FOXN3: variants seen among roughly 807,000 people sequenced by gnomAD.
The protein encoded by FOXN3 is forkhead box N3, also known as forkhead box protein N3.
In FOXN3, 7 loss-of-function variants were observed where a neutral mutation model predicts 38.4. The ratio of observed to expected loss-of-function variants is 0.18; its 90% CI spans 0.10 to 0.34. The LOEUF is 0.34. Ranked by LOEUF, FOXN3 falls within the 10% of genes least tolerant of loss-of-function variation. FOXN3 has a pLI of 1.00. For missense variants in FOXN3, 456 were observed against 613.4 expected (o/e 0.74, Z 2.71); for synonymous variants, 230 against 242.2 (o/e 0.95, Z 0.47).
intron 3 of FOXN3, among the ~76,000 whole-genome samples, chr14:89,288,874 T>C (rs1243569253): frequency 2.0e-5 from 3 of 151,318 alleles, no homozygotes; most frequent in South Asian, 2.1e-4. Context: ...AGGACTATCA[T>C]AATTTCTCTT....
intron 4 of FOXN3, among the ~76,000 whole-genome samples, chr14:89,183,706 C>T (rs1013590983): frequency 2.0e-5 from 3 of 152,206 alleles, no homozygotes; most frequent in Admixed American, 2.0e-4. Flanking sequence ...AACTAAAAGG[C>T]TGCTTTTGGA....
intron 1 of FOXN3, among the ~76,000 whole-genome samples, chr14:89,579,618 C>A (rs1437264443): frequency 6.6e-6 from 1 of 152,204 alleles, no homozygotes; most frequent in South Asian, 2.1e-4. Flanking sequence ...CCACAACTCA[C>A]CAACCTCCAG....
chr14:89,273,310 C>G (rs938214879), intron 4 of FOXN3, among the ~76,000 whole-genome samples: 1 of 152,230 alleles, frequency 6.6e-6, no homozygotes, highest in Admixed American at 6.5e-5. Flanking sequence ...CACACCCCAG[C>G]AGGGACCTGG....
At chr14:89,263,154 C>T (rs1345250302) in intron 4 of FOXN3, among the ~76,000 whole-genome samples, 1 of 152,170 alleles carries the variant, frequency 6.6e-6, no homozygotes, top group Non-Finnish European at 1.5e-5. Flanking sequence ...ACATATTTAA[C>T]CATCAAGATA....
At chr14:89,331,136 T>G (rs1888235642) in intron 3 of FOXN3, among the ~76,000 whole-genome samples, 1 of 152,206 alleles carries the variant, frequency 6.6e-6, no homozygotes, top group Admixed American at 6.5e-5. Context: ...TGTGCAACCA[T>G]CCCTACTATT....
At chr14:89,212,538 G>C (rs1475630222) in intron 4 of FOXN3, among the ~76,000 whole-genome samples, 1 of 152,206 alleles carries the variant, frequency 6.6e-6, no homozygotes, top group Non-Finnish European at 1.5e-5. Flanking sequence ...AGGGGTGGCA[G>C]TGGGCTCTGG....
chr14:89,589,303 G>A (rs1895906518), intron 1 of FOXN3, among the ~76,000 whole-genome samples: 1 of 152,134 alleles, frequency 6.6e-6, no homozygotes, highest in Non-Finnish European at 1.5e-5. Flanking sequence ...AAGCATTTCA[G>A]ATTTACCTAC....
chr14:89,278,205 A>G (rs1197342301), intron 4 of FOXN3, among the ~76,000 whole-genome samples: 1 of 152,198 alleles, frequency 6.6e-6, no homozygotes, highest in African/African-American at 2.4e-5. Flanking sequence ...GACAAAAGAT[A>G]CGTCTTACAT....
At chr14:89,169,127 T>G (rs1340484425) in intron 5 of FOXN3, among the ~76,000 whole-genome samples, 1 of 152,132 alleles carries the variant, frequency 6.6e-6, no homozygotes, top group African/African-American at 2.4e-5. Context: ...AGATCTGAGA[T>G]GTAAGCAGAA....
At chr14:89,427,005 G>T (rs905660930) in intron 1 of FOXN3, among the ~76,000 whole-genome samples, 1 of 152,024 alleles carries the variant, frequency 6.6e-6, no homozygotes, top group African/African-American at 2.4e-5. Context: ...ACCGAGGCGG[G>T]TGGATCACTT....
At chr14:89,442,599 G>A (rs1892409713) in intron 1 of FOXN3, among the ~76,000 whole-genome samples, 1 of 152,164 alleles carries the variant, frequency 6.6e-6, no homozygotes, top group Non-Finnish European at 1.5e-5. Flanking sequence ...GATGTGCTCT[G>A]GGAAACAACG....
chr14:89,344,849 T>C (rs1246570555), intron 3 of FOXN3, among the ~76,000 whole-genome samples: 1 of 152,190 alleles, frequency 6.6e-6, no homozygotes, highest in African/African-American at 2.4e-5. Context: ...AACATTAAAA[T>C]ACGCATATTC....
intron 2 of FOXN3, among the ~76,000 whole-genome samples, chr14:89,369,560 T>A (rs4904558): frequency 0.61 from 92,062 of 150,546 alleles, 28,156 homozygotes; most frequent in East Asian, 0.71. Context: ...TTTTTTTTTT[T>A]AAAAAAGAGG....
intron 1 of FOXN3, among the ~76,000 whole-genome samples, chr14:89,467,457 C>T (rs928601468): frequency 5.3e-5 from 8 of 151,672 alleles, no homozygotes; most frequent in Non-Finnish European, 8.8e-5. Flanking sequence ...TTTTTAAATG[C>T]CGAAAAATTA....
chr14:89,195,917 C>T (rs888176891), intron 4 of FOXN3, among the ~76,000 whole-genome samples: 6 of 152,148 alleles, frequency 3.9e-5, no homozygotes, highest in Non-Finnish European at 8.8e-5. Flanking sequence ...AATTCAGTAT[C>T]ACACCAAGCA....
chr14:89,570,107 T>A (rs1895460598), intron 1 of FOXN3, among the ~76,000 whole-genome samples: 1 of 151,774 alleles, frequency 6.6e-6, no homozygotes, highest in Non-Finnish European at 1.5e-5. Context: ...TTCAAGCGAT[T>A]CTCCTGCCCC....
At chr14:89,504,012 C>G (rs1356161291) in intron 1 of FOXN3, among the ~76,000 whole-genome samples, 3 of 152,180 alleles carry the variant, frequency 2.0e-5, no homozygotes. Flanking sequence ...CAGAGACTCT[C>G]CTCCTCACCT....
At chr14:89,216,995 C>T (rs1268927213) in intron 4 of FOXN3, among the ~76,000 whole-genome samples, 1 of 152,170 alleles carries the variant, frequency 6.6e-6, no homozygotes, top group African/African-American at 2.4e-5. Context: ...TGGCCCTATG[C>T]TGTGCTGATT....
intron 4 of FOXN3, among the ~76,000 whole-genome samples, chr14:89,244,088 T>C (rs6575049): frequency 0.8 from 121,629 of 152,204 alleles, 48,642 homozygotes; most frequent in Non-Finnish European, 0.82. Context: ...CTAGTCAAGA[T>C]AGGCATTCAA....
Sources: gnomAD v4.1 joint callset for allele counts (sites outside exome capture counted in the v4.1 genomes callset) on GRCh38, gnomAD v4.1.1 for gene constraint, MANE v1.5 for transcripts, NCBI Gene and HGNC (gene_info 2026-07-23, HGNC 2026-07-21) for gene names.